Variants in ERC1 observed in about 807,000 individuals in gnomAD.
ERC1 encodes the protein ELKS/RAB6-interacting/CAST family member 1.
In ERC1, 56 loss-of-function variants were observed where a neutral mutation model predicts 132.0. The ratio of observed to expected loss-of-function variants is 0.42; its 90% confidence interval spans 0.34 to 0.53. The LOEUF is 0.53. Among genes scored for constraint, ERC1 ranks in the 20% least tolerant of loss-of-function variants. The pLI is 0.03. For synonymous variants in ERC1, 478 were observed against 476.1 expected, an observed-to-expected ratio of 1.00 and a Z score of -0.05; for missense variants, 1,202 against 1,349.9, an observed-to-expected ratio of 0.89 and a Z score of 1.72.
intron 2 of ERC1, among the ~76,000 whole-genome samples, chr12:1,034,475 T>A (rs1968684365): frequency 6.6e-6 from 1 of 152,106 alleles, no homozygotes; most frequent in Admixed American, 6.5e-5. Flanking sequence ...AAAAATTGCA[T>A]GTGAATAAAC....
intron 13 of ERC1, among the ~76,000 whole-genome samples, chr12:1,240,657 T>C (rs905011096): frequency 2.0e-5 from 3 of 152,004 alleles, no homozygotes; most frequent in Non-Finnish European, 4.4e-5. Flanking sequence ...TTTCATGGAG[T>C]TGGTTTCTTC....
At chr12:1,334,839 T>C (rs985876044) in intron 15 of ERC1, among the ~76,000 whole-genome samples, 1 of 152,236 alleles carries the variant, frequency 6.6e-6, no homozygotes, top group African/African-American at 2.4e-5. Context: ...CATTAAACGA[T>C]ATTGATTCTT....
chr12:1,078,721 G>GA, intron 2 of ERC1, among the ~76,000 whole-genome samples: 1 of 152,132 alleles, frequency 6.6e-6, no homozygotes, highest in Middle Eastern at 3.4e-3. Context: ...AATGGATTAA[G>GA]AAAAAATGTT....
At chr12:1,076,136 T>C (rs1941299548) in intron 2 of ERC1, among the ~76,000 whole-genome samples, 1 of 152,220 alleles carries the variant, frequency 6.6e-6, no homozygotes, top group East Asian at 1.9e-4. Flanking sequence ...ATAACTCTTA[T>C]GTTTTACCCA....
At chr12:1,324,727 A>G (rs1242160078) in intron 15 of ERC1, among the ~76,000 whole-genome samples, 1 of 152,210 alleles carries the variant, frequency 6.6e-6, no homozygotes, top group East Asian at 1.9e-4. Context: ...GCGGTCTCAA[A>G]CTTAATTGGA....
chr12:1,220,857 T>C (rs183978259), intron 12 of ERC1, among the ~76,000 whole-genome samples: 107 of 152,364 alleles, frequency 7.0e-4, no homozygotes, highest in African/African-American at 2.4e-3. Context: ...CTGCTGCATC[T>C]GTCTGCTTCA....
At chr12:1,411,483 C>T (rs912602471) in intron 17 of ERC1, among the ~76,000 whole-genome samples, 3 of 151,744 alleles carry the variant, frequency 2.0e-5, no homozygotes, top group African/African-American at 7.3e-5. Flanking sequence ...AGGGGCCATG[C>T]GCTGTGAGGT....
chr12:1,234,386 A>T (rs892028349), intron 12 of ERC1, among the ~76,000 whole-genome samples: 6 of 152,202 alleles, frequency 3.9e-5, no homozygotes, highest in Admixed American at 6.5e-5. Context: ...TGGACTTAGG[A>T]TATTTTCAAC....
chr12:1,377,428 G>A (rs1239573489), intron 16 of ERC1, among the ~76,000 whole-genome samples: 2 of 152,180 alleles, frequency 1.3e-5, no homozygotes, highest in African/African-American at 4.8e-5. Flanking sequence ...ATTTGTACAT[G>A]CTTTCACACT....
intron 15 of ERC1, among the ~76,000 whole-genome samples, chr12:1,354,321 C>T (rs533372962): frequency 1.3e-5 from 2 of 152,076 alleles, no homozygotes; most frequent in East Asian, 1.9e-4. Context: ...GTCAGGAGTT[C>T]GAGACCAGCC....
chr12:1,341,085 T>C (rs1187366509), intron 15 of ERC1, among the ~76,000 whole-genome samples: 8 of 60,370 alleles, frequency 1.3e-4, no homozygotes, highest in African/African-American at 3.6e-4. Context: ...TTTTTTTTTT[T>C]TTTTTTTTTT....
At chr12:1,261,421 T>G (rs2077136998) in intron 13 of ERC1, among the ~76,000 whole-genome samples, 1 of 152,236 alleles carries the variant, frequency 6.6e-6, no homozygotes, top group Non-Finnish European at 1.5e-5. Context: ...TACTCCAAAA[T>G]AGTCATTCTC....
rs2154435773 is a variant in ERC1, at chr12:1,494,938, A to G, written c.*4708A>G. 4.3e-6 allele frequency: 1 copy of G among 230,888 alleles called. No individual in the cohort carries two copies. The highest frequency in any genetic ancestry group is 8.6e-6 in the Non-Finnish European group (1 of 116,568). 14.3% of individuals were successfully genotyped at this position (230,888 alleles called of 1,614,324 possible). On this transcript the variant is annotated 3_prime_UTR_variant, in exon 19 of 19. Coordinates refer to ENST00000360905, the MANE Select transcript of ERC1 (RefSeq NM_178040.4). The stretch of plus-strand genomic sequence containing the variant: ...GCCCTGGGCTGGCGGCTTAGGAAGC[A>G]TGGAGCACACTTAGGGTAGTGCCTG...
chr12:1,167,011 C>T (rs1257491735), intron 8 of ERC1, among the ~76,000 whole-genome samples: 2 of 152,212 alleles, frequency 1.3e-5, no homozygotes, highest in Non-Finnish European at 2.9e-5. Flanking sequence ...CTGTGCTTAT[C>T]TGTGTCGTTT....
At chr12:1,400,400 A>G (rs78312653) in intron 16 of ERC1, among the ~76,000 whole-genome samples, 3,584 of 152,248 alleles carry the variant, frequency 0.024, 157 homozygotes, top group African/African-American at 0.083. Context: ...TACTGTTTAC[A>G]GCATAAAATT....
chr12:1,376,571 A>T (rs955601022), intron 16 of ERC1, among the ~76,000 whole-genome samples: 1 of 152,186 alleles, frequency 6.6e-6, no homozygotes, highest in Non-Finnish European at 1.5e-5. Context: ...GAGTGTCTTC[A>T]TTATTTGGGG....
At chr12:1,376,378 A>T (rs962479009) in intron 16 of ERC1, among the ~76,000 whole-genome samples, 12 of 149,270 alleles carry the variant, frequency 8.0e-5, no homozygotes, top group African/African-American at 2.3e-4. Flanking sequence ...ATCCCATCTC[A>T]CTCGCCTTCG....
chr12:1,357,105 G>A (rs761718851), intron 15 of ERC1, among the ~76,000 whole-genome samples: 10 of 151,990 alleles, frequency 6.6e-5, no homozygotes, highest in Non-Finnish European at 1.3e-4. Context: ...AGTATATCTC[G>A]GATACTTACG....
chr12:1,359,473 G>C (rs1480907999), intron 15 of ERC1, among the ~76,000 whole-genome samples: 2 of 152,114 alleles, frequency 1.3e-5, no homozygotes, highest in Non-Finnish European at 2.9e-5. Context: ...CCAAAAGCAA[G>C]GAACCGACAC....
Sources: gnomAD v4.1 joint callset for allele counts (sites outside exome capture counted in the v4.1 genomes callset) on GRCh38, gnomAD v4.1.1 for gene constraint, MANE v1.5 for transcripts, NCBI Gene and HGNC (gene_info 2026-07-23, HGNC 2026-07-21) for gene names.